The following DOCK1 variants were observed in gnomAD, a reference collection of about 807,000 sequenced individuals.
The protein encoded by DOCK1 is dedicator of cytokinesis protein 1.
Under a neutral mutation model 262.7 loss-of-function variants are expected in DOCK1, and 138 were observed. That is an observed-to-expected ratio of 0.53 (90% CI 0.46 to 0.61). The LOEUF (loss-of-function observed/expected upper bound fraction) is 0.61. Among genes scored for constraint, DOCK1 ranks in the 20% least tolerant of loss-of-function variants. The pLI, the probability that DOCK1 is intolerant of heterozygous loss-of-function variation, is 0.00. For missense variants in DOCK1, 1,908 were observed against 2,370.7 expected, an observed-to-expected ratio of 0.80 and a Z score of 4.05; for synonymous variants, 866 against 867.4, an observed-to-expected ratio of 1.00 and a Z score of 0.03.
At chr10:127,015,382 C>T (rs959216106) in intron 12 of DOCK1, among the ~76,000 whole-genome samples, 1 of 152,004 alleles carries the variant, frequency 6.6e-6, no homozygotes, top group Non-Finnish European at 1.5e-5. Context: ...CACCAGGAGC[C>T]CTGTGGCTGC....
At chr10:127,163,590 A>C (rs1019579910) in intron 27 of DOCK1, among the ~76,000 whole-genome samples, 118 of 152,104 alleles carry the variant, frequency 7.8e-4, no homozygotes, top group African/African-American at 2.8e-3. Flanking sequence ...AACTGATAAC[A>C]TGCCCTTTTG....
intron 25 of DOCK1, among the ~76,000 whole-genome samples, chr10:127,119,066 C>T (rs185438182): frequency 2.5e-4 from 34 of 138,062 alleles, no homozygotes; most frequent in Admixed American, 1.4e-3. Flanking sequence ...TTTTTTGAGA[C>T]GGAGTCTCGC....
intron 27 of DOCK1, among the ~76,000 whole-genome samples, chr10:127,132,732 C>T (rs1258307291): frequency 2.0e-5 from 3 of 152,128 alleles, no homozygotes; most frequent in Non-Finnish European, 2.9e-5. Context: ...ATTTCCGTCT[C>T]CTGTGATACG....
At chr10:127,019,642 G>T (rs552480830) in intron 13 of DOCK1, among the ~76,000 whole-genome samples, 2 of 152,294 alleles carry the variant, frequency 1.3e-5, no homozygotes, top group East Asian at 1.9e-4. Flanking sequence ...TAGTTACTTT[G>T]GGGGGCTGAG....
At chr10:127,003,689 G>A (rs1252210015) in intron 10 of DOCK1, among the ~76,000 whole-genome samples, 2 of 152,138 alleles carry the variant, frequency 1.3e-5, no homozygotes, top group Admixed American at 6.5e-5. Context: ...CTGGCTGGGC[G>A]CTGCCTGTAA....
rs1371160989 is a variant in DOCK1 at position 126,955,224 on chromosome 10, C to T, written c.47-15478C>T. On this transcript the variant is annotated intron_variant, in intron 1 of 51. Transcript: ENST00000623213. ...CACTGCAACCTCTGCCTCCCAGGTT[C>T]AAGTGATTCTTGTGCCTCAGCCTCC... Among the ~76,000 whole-genome samples the T allele has an allele frequency of 2.6e-5, 4 of 152,294 alleles. No individual in the cohort carries two copies. The East Asian group carries it at 7.7e-4, about 29-fold the overall frequency.
At chr10:127,123,698 T>C (rs567897753) in intron 25 of DOCK1, among the ~76,000 whole-genome samples, 2 of 152,274 alleles carry the variant, frequency 1.3e-5, no homozygotes, top group East Asian at 3.9e-4. Flanking sequence ...GTCATTTTCT[T>C]GTTCATTTCT....
intron 28 of DOCK1, among the ~76,000 whole-genome samples, chr10:127,249,364 CAT>C (rs1255775877): frequency 6.0e-5 from 9 of 150,594 alleles, no homozygotes; most frequent in Non-Finnish European, 1.0e-4. Context: ...CTTATATATA[CAT>C]ATATATACAC....
At chr10:127,300,696 G>A (rs1331457104) in intron 29 of DOCK1, among the ~76,000 whole-genome samples, 10 of 152,086 alleles carry the variant, frequency 6.6e-5, no homozygotes, top group Non-Finnish European at 2.9e-5. Context: ...TTTTTCTTGG[G>A]CCTTTTTCCC....
chr10:126,929,060 C>T (rs1335661498), intron 1 of DOCK1, among the ~76,000 whole-genome samples: 2 of 152,260 alleles, frequency 1.3e-5, no homozygotes, highest in Admixed American at 1.3e-4. Context: ...AGCTTCCAGC[C>T]GTGTTTAGAT....
chr10:127,106,092 G>T, intron 23 of DOCK1, 139 bp from the exon 24 acceptor site: 1 of 827,126 alleles, frequency 1.2e-6, no homozygotes, highest in Non-Finnish European at 1.9e-6. Context: ...TATTTTCATC[G>T]TGTTAGCCGT....
At chr10:127,206,382 G>A (rs1305874938) in intron 27 of DOCK1, among the ~76,000 whole-genome samples, 1 of 152,088 alleles carries the variant, frequency 6.6e-6, no homozygotes, top group East Asian at 1.9e-4. Context: ...GACCTCAAGT[G>A]ATCTGCCCAC....
rs3083933 is a variant in DOCK1, at chr10:127,198,744, C to CTTT, written c.2848-49252_2848-49250dup. 5.5e-3 allele frequency among the ~76,000 whole-genome samples: 810 copies of CTTT among 146,406 alleles called. 7 individuals carry two copies. The highest frequency in any genetic ancestry group is 0.024 in the Middle Eastern group (7 of 286). On this transcript the variant is annotated intron_variant, in intron 27 of 51. Transcript: ENST00000623213. ...TCTATTAAAATCATTGGCATCGCTT[C>CTTT]TTTTTTTTTTTTTTGAAGTAGGAAA...
chr10:127,300,915 G>C (rs561842013), intron 29 of DOCK1, among the ~76,000 whole-genome samples: 1 of 152,320 alleles, frequency 6.6e-6, no homozygotes, highest in East Asian at 1.9e-4. Flanking sequence ...CCCACCACGA[G>C]GCCGGCAGCC....
chr10:127,448,133 C>A (rs896664441), intron 51 of DOCK1, among the ~76,000 whole-genome samples: 2 of 152,138 alleles, frequency 1.3e-5, no homozygotes, highest in African/African-American at 2.4e-5. Flanking sequence ...GTGCCCCCAC[C>A]CCTGGGCACC....
At chr10:127,349,786 C>T (rs548554104) in intron 31 of DOCK1, among the ~76,000 whole-genome samples, 2 of 152,232 alleles carry the variant, frequency 1.3e-5, no homozygotes. Context: ...TTTGGCATTC[C>T]GTGGCTTGTG....
At chr10:127,117,202 G>A (rs1045830826) in intron 25 of DOCK1, among the ~76,000 whole-genome samples, 3 of 152,108 alleles carry the variant, frequency 2.0e-5, no homozygotes, top group Non-Finnish European at 2.9e-5. Flanking sequence ...ATTGATTAGC[G>A]AGTTTGCTTC....
At chr10:127,169,402 A>G (rs765873755) in intron 27 of DOCK1, among the ~76,000 whole-genome samples, 5 of 152,214 alleles carry the variant, frequency 3.3e-5, no homozygotes, top group Non-Finnish European at 7.3e-5. Flanking sequence ...TGTGTGAATG[A>G]ATGATAGGCC....
intron 21 of DOCK1, among the ~76,000 whole-genome samples, chr10:127,048,197 A>G (rs1049392959): frequency 1.5e-4 from 23 of 152,126 alleles, no homozygotes; most frequent in African/African-American, 5.3e-4. Context: ...CTTTGTAGCT[A>G]TTGTACTGGG....
Sources: allele counts gnomAD v4.1 joint callset (sites outside exome capture counted in the v4.1 genomes callset), GRCh38; gene constraint gnomAD v4.1.1; transcripts MANE v1.5; gene names NCBI Gene and HGNC (gene_info 2026-07-23, HGNC 2026-07-21).